The following APBB1IP variants were observed in gnomAD, a reference collection of about 807,000 sequenced individuals.
APBB1IP encodes amyloid beta A4 precursor protein-binding family B member 1-interacting protein.
A neutral mutation model predicts 64.9 loss-of-function variants in APBB1IP; 27 were observed. The observed-to-expected ratio is 0.42, with a 90% CI of 0.31 to 0.57. The LOEUF is 0.57. Ranked by LOEUF, APBB1IP falls within the 20% of genes least tolerant of loss-of-function variation. The pLI is 0.20. For synonymous variants in APBB1IP, 392 were observed against 331.0 expected (o/e 1.18, Z -2.00); for missense variants, 812 against 845.5 (o/e 0.96, Z 0.49).
At chr10:26,509,112 A>C (rs1447772207) in intron 6 of APBB1IP, among the ~76,000 whole-genome samples, 1 of 152,190 alleles carries the variant, frequency 6.6e-6, no homozygotes, top group Non-Finnish European at 1.5e-5. Flanking sequence ...CCTAGTAAAG[A>C]CTGCTATTTG....
chr10:26,503,108 A>C, intron 5 of APBB1IP, 89 bp from the exon 6 acceptor site: 1 of 1,246,192 alleles, frequency 8.0e-7, no homozygotes, highest in South Asian at 1.4e-5. Context: ...TGTTAATACA[A>C]CGTAGCTGAG....
intron 2 of APBB1IP, among the ~76,000 whole-genome samples, chr10:26,450,692 T>TA: frequency 6.7e-6 from 1 of 148,596 alleles, no homozygotes; most frequent in South Asian, 2.1e-4. Context: ...CTCAGATTCT[T>TA]TTTTTTTTTT....
At chr10:26,484,405 C>T (rs1180864645) in intron 2 of APBB1IP, among the ~76,000 whole-genome samples, 4 of 152,106 alleles carry the variant, frequency 2.6e-5, no homozygotes, top group Non-Finnish European at 5.9e-5. Context: ...CGGGTTCAAG[C>T]GATTCTTGTG....
chr10:26,529,119 G>A (rs1353530090), intron 8 of APBB1IP, among the ~76,000 whole-genome samples: 4 of 152,224 alleles, frequency 2.6e-5, no homozygotes, highest in Non-Finnish European at 4.4e-5. Flanking sequence ...TGAGAAAAGA[G>A]AGCAAGCTAT....
chr10:26,567,425 G>A lies in APBB1IP; in HGVS notation c.1938G>A (p.Gly646=), dbSNP rs997013248. 4 of 1,607,776 alleles carry A rather than the reference G, an allele frequency of 2.5e-6. No homozygotes were observed. The highest frequency in any genetic ancestry group is 2.6e-6 in the Non-Finnish European group (3 of 1,175,924). ...GGCACCCCGGCGGAGCAGGAGGCGG[G>A]GAGCAAGATTTCATGTCAGACCTCA... ...NPGHPGGAGG[G]EQDFMSDLMK... Residue 646 remains glycine (G), a synonymous_variant, in exon 15 of 15, where the codon GGG becomes GGA. Coordinates refer to ENST00000376236, the MANE Select transcript of APBB1IP (RefSeq NM_019043.4).
intron 11 of APBB1IP, 145 bp downstream of exon 11, chr10:26,541,837 A>G: frequency 1.8e-6 from 1 of 571,084 alleles, no homozygotes. Context: ...AAACATTTCT[A>G]TCAATTTGGG....
intron 2 of APBB1IP, among the ~76,000 whole-genome samples, chr10:26,475,598 TA>T (rs1291485973): frequency 6.6e-6 from 1 of 152,226 alleles, no homozygotes; most frequent in Non-Finnish European, 1.5e-5. Context: ...GACTTGCGTT[TA>T]AATCCCATCC....
intron 11 of APBB1IP, among the ~76,000 whole-genome samples, chr10:26,550,277 C>T (rs1836815134): frequency 6.6e-6 from 1 of 151,836 alleles, no homozygotes; most frequent in Non-Finnish European, 1.5e-5. Context: ...CCTTCCTGTG[C>T]CTGGATATTT....
intron 10 of APBB1IP, among the ~76,000 whole-genome samples, chr10:26,536,486 C>T (rs1022632859): frequency 2.6e-5 from 4 of 151,944 alleles, no homozygotes; most frequent in African/African-American, 9.7e-5. Context: ...TTACTTTACC[C>T]GTCTATTTCC....
chr10:26,469,013 G>A (rs1415065170), intron 2 of APBB1IP, among the ~76,000 whole-genome samples: 55 of 151,956 alleles, frequency 3.6e-4, no homozygotes, highest in Admixed American at 3.6e-3. Context: ...GTTACTCTAG[G>A]CACTTCTAAC....
At chr10:26,540,021 G>A (rs1836678110) in intron 10 of APBB1IP, among the ~76,000 whole-genome samples, 2 of 152,262 alleles carry the variant, frequency 1.3e-5, no homozygotes, top group South Asian at 4.1e-4. Flanking sequence ...GGACAATTTA[G>A]CAAAATCTAT....
intron 11 of APBB1IP, among the ~76,000 whole-genome samples, chr10:26,557,450 C>A (rs1418668529): frequency 3.3e-5 from 5 of 152,186 alleles, no homozygotes; most frequent in African/African-American, 1.2e-4. Context: ...TATTTAAAGA[C>A]AAAAATATGA....
chr10:26,502,532 C>T (rs920865452), intron 5 of APBB1IP, among the ~76,000 whole-genome samples: 52 of 151,954 alleles, frequency 3.4e-4, no homozygotes, highest in African/African-American at 1.2e-3. Flanking sequence ...GTCCCAGCTA[C>T]TCAGGAGGCT....
At chr10:26,521,719 A>T (rs1836403835) in intron 8 of APBB1IP, among the ~76,000 whole-genome samples, 1 of 152,132 alleles carries the variant, frequency 6.6e-6, no homozygotes, top group African/African-American at 2.4e-5. Flanking sequence ...TTGACATCCA[A>T]ATTTTTTCAT....
intron 2 of APBB1IP, among the ~76,000 whole-genome samples, chr10:26,459,774 G>A (rs1835569072): frequency 6.6e-6 from 1 of 151,880 alleles, no homozygotes; most frequent in South Asian, 2.1e-4. Context: ...AGAGAATGTG[G>A]CTATTTCTCC....
In APBB1IP at chr10:26,441,371, A is replaced by G. The variant is rs188163780; in HGVS notation, c.-1+2518A>G. On this transcript the variant is annotated intron_variant, in intron 2 of 14. Coordinates refer to ENST00000376236, the MANE Select transcript of APBB1IP (RefSeq NM_019043.4). ...AACAGTAATCATTAGATTTCTCTTG[A>G]AAAGAGAGAACTAGCCGCATGAAGG... Among the ~76,000 whole-genome samples the G allele has an allele frequency of 1.4e-4, 21 of 152,280 alleles. 1 individual carries two copies. The East Asian group carries it at 3.5e-3, about 25-fold the overall frequency.
At position 26,438,457 on chromosome 10, in the gene APBB1IP, TAGGGGG is replaced by T. The variant is rs1318494290; in HGVS notation, c.-203+6_-203+11del. On this transcript the variant is annotated splice_donor_5th_base_variant and intron_variant, in intron 1 of 14. Transcript: ENST00000376236. ...GAGAGAAGGGCGCGCGCGGCACAGG[TAGGGGG>T]AGGCGCAACGTTTCCCAGAATTAAA... 1 of 59,334 alleles carries T rather than the reference TAGGGGG, an allele frequency of 1.7e-5. No individual in the cohort carries two copies. Among genetic ancestry groups the T allele is most frequent in the Non-Finnish European group, 3.6e-5 (1 of 27,626 alleles). 3.7% of individuals were successfully genotyped at this position (59,334 alleles called of 1,614,324 possible).
chr10:26,543,654 G>A (rs1836725812), intron 11 of APBB1IP, among the ~76,000 whole-genome samples: 2 of 151,956 alleles, frequency 1.3e-5, no homozygotes, highest in South Asian at 4.2e-4. Context: ...TCAACATGAG[G>A]AAAATGGCAA....
At position 26,536,236 on chromosome 10, in the gene APBB1IP, A is replaced by G; in HGVS notation, c.1044+19A>G. 7 of 1,562,398 alleles carry G rather than the reference A, an allele frequency of 4.5e-6. No homozygotes were observed. Among genetic ancestry groups the G allele is most frequent in the Non-Finnish European group, 5.1e-6 (6 of 1,165,438 alleles). ...GACTAAGGTCAGAAAAAAAAAAAAAAAAGCACTTAGCAATAAAGCATTTCA... is the reference window on the plus strand; with the variant it reads ...GACTAAGGTCAGAAAAAAAAAAAAAGAAGCACTTAGCAATAAAGCATTTCA... On this transcript the variant is annotated intron_variant, in intron 10 of 14. Transcript: ENST00000376236.
Sources: allele counts gnomAD v4.1 joint callset (sites outside exome capture counted in the v4.1 genomes callset), GRCh38; gene constraint gnomAD v4.1.1; transcripts MANE v1.5; gene names NCBI Gene and HGNC (gene_info 2026-07-23, HGNC 2026-07-21).